MYO18B: variants seen among roughly 807,000 people sequenced by gnomAD.
MYO18B encodes unconventional myosin-XVIIIb.
A neutral mutation model predicts 273.0 loss-of-function variants in MYO18B; 204 were observed. The ratio of observed to expected loss-of-function variants is 0.75; its 90% confidence interval spans 0.67 to 0.84. MYO18B has a LOEUF of 0.84. Ranked by LOEUF, MYO18B falls within the 40% of genes least tolerant of loss-of-function variation. The probability of loss-of-function intolerance (pLI) is 0.00; values close to 1 mark genes in which losing one functional copy is unlikely to be tolerated. For synonymous variants in MYO18B, 1,330 were observed against 1,305.7 expected (o/e 1.02, Z -0.40); for missense variants, 3,212 against 3,287.6 (o/e 0.98, Z 0.56).
chr22:25,807,189 C>T (rs1170467667), intron 12 of MYO18B, among the ~76,000 whole-genome samples: 1 of 152,204 alleles, frequency 6.6e-6, no homozygotes, highest in Non-Finnish European at 1.5e-5. Flanking sequence ...TGCTAGAGAA[C>T]AGCAAGTTCA....
At chr22:25,871,670 A>T (rs1379134076) in intron 22 of MYO18B, among the ~76,000 whole-genome samples, 1 of 151,964 alleles carries the variant, frequency 6.6e-6, no homozygotes, top group African/African-American at 2.4e-5. Flanking sequence ...TTTCTTCGTG[A>T]TTTTTCAGCC....
At chr22:25,947,375 A>G (rs73414042) in intron 35 of MYO18B, among the ~76,000 whole-genome samples, 1,564 of 152,036 alleles carry the variant, frequency 0.01, 26 homozygotes, top group African/African-American at 0.036. Flanking sequence ...GCATTTTCAT[A>G]TATGTACTAG....
chr22:25,895,258 C>T lies in MYO18B; in HGVS notation c.4646C>T (p.Ala1549Val), dbSNP rs747880830. 1 of 1,603,338 alleles carries T rather than the reference C, an allele frequency of 6.2e-7. No homozygotes were observed. Among genetic ancestry groups the T allele is most frequent in the South Asian group, 1.1e-5 (1 of 88,738 alleles). ...GAGAGGCTGGACTCGGAGCTGACAG[C>T]CAGGAAAGAGCTGGAGCAAAAGGTA... ...CEERLDSELTARKELEQKLGE... is the reference protein window; with the variant it reads ...CEERLDSELTVRKELEQKLGE... The change falls in exon 28 of 44, where the codon GCC (alanine) becomes GTC (valine). Residue 1549 changes from alanine (A) to valine (V), a missense_variant. Transcript: ENST00000335473.
chr22:25,798,244 C>T, intron 12 of MYO18B, 147 bp downstream of exon 12: 1 of 1,109,498 alleles, frequency 9.0e-7, no homozygotes, highest in Non-Finnish European at 1.2e-6. Flanking sequence ...GCTGCTGAAA[C>T]TAGGCGTCGT....
intron 42 of MYO18B, among the ~76,000 whole-genome samples, chr22:26,009,010 C>T (rs747183925): frequency 1.8e-4 from 28 of 152,174 alleles, no homozygotes; most frequent in South Asian, 2.1e-4. Flanking sequence ...ACAGGCATGA[C>T]GACCTAGCTG....
chr22:26,043,782 G>A, the MYO18B span, among the ~76,000 whole-genome samples: 1 of 151,990 alleles, frequency 6.6e-6, no homozygotes, highest in East Asian at 1.9e-4. Context: ...CTCCCAAAGT[G>A]CTGGAATTAG....
intron 42 of MYO18B, among the ~76,000 whole-genome samples, chr22:26,008,172 A>G (rs35817879): frequency 0.1 from 15,574 of 152,242 alleles, 956 homozygotes; most frequent in South Asian, 0.17. Context: ...ACAAGCTGCC[A>G]TGCTTTATTT....
intron 24 of MYO18B, among the ~76,000 whole-genome samples, 152 bp downstream of exon 24, chr22:25,876,484 C>T (rs941683415): frequency 1.3e-5 from 2 of 152,156 alleles, no homozygotes; most frequent in Admixed American, 1.3e-4. Context: ...AGATGTTCCT[C>T]TGCCTCCAAC....
At chr22:25,946,517 G>A (rs1351028026) in intron 35 of MYO18B, among the ~76,000 whole-genome samples, 1 of 152,146 alleles carries the variant, frequency 6.6e-6, no homozygotes, top group Non-Finnish European at 1.5e-5. Flanking sequence ...GCATTATAAA[G>A]ATATAAGGGC....
rs1021474389 is a variant in MYO18B at position 25,763,119 on chromosome 22, G to A, written c.40-112G>A. 3.9e-6 allele frequency: 5 copies of A among 1,268,156 alleles called. No individual in the cohort carries two copies. In the African/African-American group the frequency reaches 4.4e-5, roughly 11 times the overall value. The allele number at this position is 1,268,156 out of a possible 1,614,324, so 78.6% of individuals were successfully genotyped here. A position where few individuals can be genotyped will look rare whatever the true frequency, so the allele number is the denominator to read the frequency against. On this transcript the variant is annotated intron_variant, in intron 2 of 43. Coordinates refer to ENST00000335473, the MANE Select transcript of MYO18B (RefSeq NM_032608.7). ...CTGTGGCTTCTCATACATGGGCTTG[G>A]TCATGTATGTCTCCTCCGCCCCCTC...
At chr22:25,800,160 A>T (rs2088126761) in intron 12 of MYO18B, among the ~76,000 whole-genome samples, 1 of 152,162 alleles carries the variant, frequency 6.6e-6, no homozygotes, top group Non-Finnish European at 1.5e-5. Context: ...TAAGAATGAT[A>T]TAATAGACTT....
chr22:25,889,279 C>T (rs1349393544), intron 25 of MYO18B, among the ~76,000 whole-genome samples: 2 of 152,056 alleles, frequency 1.3e-5, no homozygotes, highest in Non-Finnish European at 1.5e-5. Context: ...GAGGCTAGCT[C>T]GGGAAGGGCA....
At chr22:26,002,198 G>T (rs1345419100) in intron 40 of MYO18B, among the ~76,000 whole-genome samples, 1 of 152,162 alleles carries the variant, frequency 6.6e-6, no homozygotes. Flanking sequence ...TGTTGTCTTT[G>T]TTGCACTACT....
At chr22:25,805,148 C>T (rs939026774) in intron 12 of MYO18B, among the ~76,000 whole-genome samples, 2 of 152,190 alleles carry the variant, frequency 1.3e-5, no homozygotes, top group African/African-American at 4.8e-5. Flanking sequence ...TGTTAAGGCA[C>T]CCTTCCCATG....
downstream of MYO18B, among the ~76,000 whole-genome samples, chr22:26,031,682 G>C (rs1479633290): frequency 1.3e-5 from 2 of 152,202 alleles, no homozygotes; most frequent in East Asian, 1.9e-4. Flanking sequence ...ACTCCAAAAA[G>C]AGGAGCTCTC....
Position 25,798,034 on chromosome 22 carries a change from C to G in MYO18B, c.2458C>G (p.Gln820Glu). The G allele has an allele frequency of 3.1e-6, 5 of 1,613,156 alleles. No individual in the cohort carries two copies. The change falls in exon 12 of 44, where the codon CAG becomes GAG. Residue 820 changes from glutamine (Q) to glutamate (E), a missense_variant. Physicochemically the swap from Gln to Glu is conservative, Grantham distance 29 (BLOSUM62 2). Coordinates refer to ENST00000335473, the MANE Select transcript of MYO18B (RefSeq NM_032608.7). ...GATGCTCGGCATCTCAGAGAGCGAG[C>G]AGCGGGCTGTTTGGCGGGTCCTGGC... The part of the protein sequence containing the change: ...MEMLGISESE[Q>E]RAVWRVLAAI...
intron 21 of MYO18B, among the ~76,000 whole-genome samples, chr22:25,860,022 T>C (rs2090685088): frequency 6.6e-6 from 1 of 152,258 alleles, no homozygotes. Context: ...TGGTGTAACA[T>C]ACATGCCTAT....
chr22:25,799,272 C>T (rs144328797), intron 12 of MYO18B, among the ~76,000 whole-genome samples: 33 of 152,056 alleles, frequency 2.2e-4, no homozygotes, highest in South Asian at 1.3e-3. Flanking sequence ...TGTCATTCTC[C>T]GCTTAGAATC....
chr22:26,029,110 C>T (rs531088649), intron 43 of MYO18B, among the ~76,000 whole-genome samples: 2 of 152,278 alleles, frequency 1.3e-5, no homozygotes, highest in Admixed American at 1.3e-4. Flanking sequence ...CTACATTTAT[C>T]TTTAAAAGTT....
Sources: allele counts gnomAD v4.1 joint callset (sites outside exome capture counted in the v4.1 genomes callset), GRCh38; gene constraint gnomAD v4.1.1; transcripts MANE v1.5; gene names NCBI Gene and HGNC (gene_info 2026-07-23, HGNC 2026-07-21).